Variants in AKNA observed in about 807,000 individuals in gnomAD.
AKNA encodes AT-hook transcription factor.
AKNA carries 67 observed loss-of-function variants against 138.8 expected under a neutral mutation model. That is an observed-to-expected ratio of 0.48 (90% CI 0.40 to 0.59). AKNA has a LOEUF of 0.59. AKNA is among the 20% of genes least tolerant of loss of function. The probability of loss-of-function intolerance (pLI) is 0.00; values close to 1 mark genes in which losing one functional copy is unlikely to be tolerated. For missense variants in AKNA, 1,813 were observed against 1,880.4 expected (o/e 0.96, Z 0.66); for synonymous variants, 737 against 754.4 (o/e 0.98, Z 0.38).
Position 114,355,937 on chromosome 9 carries a change from C to T in AKNA, c.3046G>A (p.Ala1016Thr), listed in dbSNP as rs146410512. 53 of 1,614,164 alleles carry T rather than the reference C, an allele frequency of 3.3e-5. No homozygotes were observed. In the African/African-American group the frequency reaches 6.0e-4, roughly 18 times the overall value. The change falls in exon 14 of 22, where the codon GCA becomes ACA. Residue 1016 changes from alanine to threonine, a missense_variant. Transcript: ENST00000374088. ...CTCCTGCACTCACCCATCTCGGCTG[C>T]CAGTGTCCGCTCCAGGCTGAAGTTG... ...APNFSLERTLAAEMAVPGSEF... is the reference protein window; with the variant it reads ...APNFSLERTLTAEMAVPGSEF...
downstream of AKNA, chr9:114,331,422 G>C (rs1453247894): frequency 4.7e-6 from 3 of 638,216 alleles, no homozygotes; most frequent in Non-Finnish European, 8.3e-6. Context: ...ACGCAGCAGG[G>C]GCTGGGCACA....
chr9:114,338,784 A>G (rs1830153623), intron 21 of AKNA, among the ~76,000 whole-genome samples: 1 of 152,210 alleles, frequency 6.6e-6, no homozygotes, highest in Admixed American at 6.5e-5. Flanking sequence ...AAATTCAGGT[A>G]AAAAGCTGGC....
At chr9:114,379,416 C>T (rs1269457045) in intron 2 of AKNA, among the ~76,000 whole-genome samples, 4 of 152,200 alleles carry the variant, frequency 2.6e-5, no homozygotes, top group Non-Finnish European at 5.9e-5. Flanking sequence ...ACCATGTGAC[C>T]CCAGGAAGAG....
chr9:114,358,370 A>T, intron 11 of AKNA: 1 of 609,706 alleles, frequency 1.6e-6, no homozygotes, highest in Non-Finnish European at 2.7e-6. Context: ...TCTCAACTAT[A>T]AAATATGGAT....
In AKNA at chr9:114,362,436, T is replaced by G. The variant is rs761881030; in HGVS notation, c.1886A>C (p.Lys629Thr). 6.2e-7 allele frequency: 1 copy of G among 1,612,592 alleles called. No individual in the cohort carries two copies. The highest frequency in any genetic ancestry group is 1.7e-5 in the Admixed American group (1 of 59,870). Residue 629 changes from lysine to threonine, a missense_variant, in exon 8 of 22, where the codon AAG (lysine) becomes ACG (threonine). Lys to Thr is a moderately conservative substitution (Grantham distance 78). Coordinates refer to ENST00000374088, the MANE Select transcript of AKNA (RefSeq NM_001317950.2). ...AGGATCAAATCTTCCAGGCGTCCCC[T>G]TGGAGCCGGCAAGCGGCTGGGCAGG... is the stretch of plus-strand genomic sequence containing the variant. ...QHPAQPLAGS[K>T]GTPGRFDPRR... is the part of the protein sequence containing the mutation.
At chr9:114,372,417 C>T (rs1010178107) in intron 4 of AKNA, among the ~76,000 whole-genome samples, 1 of 152,204 alleles carries the variant, frequency 6.6e-6, no homozygotes, top group Non-Finnish European at 1.5e-5. Context: ...TCCACCCCCG[C>T]CTGTCACTGT....
intron 4 of AKNA, among the ~76,000 whole-genome samples, chr9:114,373,512 G>A: frequency 6.6e-6 from 1 of 152,146 alleles, no homozygotes; most frequent in Non-Finnish European, 1.5e-5. Flanking sequence ...TCACACAGCT[G>A]GTTAGCAATG....
At position 114,362,443 on chromosome 9, in the gene AKNA, C is replaced by A. The variant is rs558018170; in HGVS notation, c.1879G>T (p.Gly627Cys). The change falls in exon 8 of 22, where the codon GGC (glycine) becomes TGC (cysteine). Residue 627 changes from glycine to cysteine, a missense_variant. Transcript: ENST00000374088. ...AATCTTCCAGGCGTCCCCTTGGAGC[C>A]GGCAAGCGGCTGGGCAGGGTGTTGC... ...REQHPAQPLA[G>C]SKGTPGRFDP... 1 of 1,612,880 alleles carries A rather than the reference C, an allele frequency of 6.2e-7. No individual in the cohort carries two copies. Among genetic ancestry groups the A allele is most frequent in the African/African-American group, 1.3e-5 (1 of 75,018 alleles).
At chr9:114,349,104 G>T in intron 15 of AKNA, 1 of 382,770 alleles carries the variant, frequency 2.6e-6, no homozygotes, top group African/African-American at 2.1e-5. Context: ...GTGGGCGGTG[G>T]CTACTGGAGA....
Position 114,377,249 on chromosome 9 carries a change from A to T in AKNA, c.558T>A (p.His186Gln), listed in dbSNP as rs746000124. Residue 186 changes from histidine (H) to glutamine (Q), a missense_variant, in exon 3 of 22, where the codon CAT becomes CAA. By Grantham distance (24) the His-to-Gln change is conservative. Coordinates refer to ENST00000374088, the MANE Select transcript of AKNA (RefSeq NM_001317950.2). ...EQASGDKLSE[H>Q]SEVNPSVELS... ...GTTCAACGGATGGGTTGACCTCGGA[A>T]TGTTCAGAAAGTTTGTCCCCACTGG... 2.5e-6 allele frequency: 4 copies of T among 1,614,026 alleles called. 1 individual carries two copies. In the East Asian group the frequency reaches 8.9e-5, roughly 36 times the overall value.
At chr9:114,354,869 C>CTT (rs951126529) in intron 14 of AKNA, among the ~76,000 whole-genome samples, 3,134 of 133,694 alleles carry the variant, frequency 0.023, 206 homozygotes, top group African/African-American at 0.087. Context: ...CTATACGGTA[C>CTT]TTTTTTTTTT....
At chr9:114,364,867 C>T (rs1358012018) in intron 6 of AKNA, among the ~76,000 whole-genome samples, 8 of 152,044 alleles carry the variant, frequency 5.3e-5, no homozygotes, top group African/African-American at 1.7e-4. Context: ...TCATGTGCAT[C>T]AAGACTAATG....
chr9:114,341,231 A>G (rs1351274973), intron 21 of AKNA, among the ~76,000 whole-genome samples: 1 of 152,230 alleles, frequency 6.6e-6, no homozygotes, highest in Non-Finnish European at 1.5e-5. Context: ...GAAGATGGTT[A>G]GGATTCTCAG....
At chr9:114,389,031 G>A (rs959665250), upstream of AKNA, among the ~76,000 whole-genome samples, 17 of 152,300 alleles carry the variant, frequency 1.1e-4, no homozygotes, top group African/African-American at 3.8e-4. Context: ...GAGGAGAAGG[G>A]TTATAGGACG....
chr9:114,396,057 G>A (rs745713561), upstream of AKNA, among the ~76,000 whole-genome samples: 9 of 152,116 alleles, frequency 5.9e-5, no homozygotes, highest in African/African-American at 1.2e-4. Flanking sequence ...ACAACATCAC[G>A]TAACTGATAT....
chr9:114,390,114 G>A (rs1371252926), upstream of AKNA, among the ~76,000 whole-genome samples: 1 of 152,166 alleles, frequency 6.6e-6, no homozygotes, highest in Non-Finnish European at 1.5e-5. Context: ...CCATTGCTGG[G>A]CATAGCCTGT....
At chr9:114,359,450 G>T in intron 11 of AKNA, 144 bp downstream of exon 11, 2 of 1,478,754 alleles carry the variant, frequency 1.4e-6, no homozygotes, top group Non-Finnish European at 1.8e-6. Flanking sequence ...AGGGCTATCA[G>T]TGGTATACAT....
chr9:114,343,601 A>T, intron 19 of AKNA, 107 bp downstream of exon 19: 2 of 1,144,316 alleles, frequency 1.7e-6, no homozygotes, highest in Non-Finnish European at 2.6e-6. Flanking sequence ...CCTATAACCC[A>T]CTGCTAAGTT....
intron 1 of AKNA, among the ~76,000 whole-genome samples, chr9:114,381,979 A>T (rs1158466809): frequency 6.6e-6 from 1 of 152,178 alleles, no homozygotes; most frequent in Non-Finnish European, 1.5e-5. Flanking sequence ...TAGATGAGAC[A>T]CAGGATGAGG....
Sources: gnomAD v4.1 joint callset for allele counts (sites outside exome capture counted in the v4.1 genomes callset) on GRCh38, gnomAD v4.1.1 for gene constraint, MANE v1.5 for transcripts, NCBI Gene and HGNC (gene_info 2026-07-23, HGNC 2026-07-21) for gene names.